The following RBFOX1 variants were observed in gnomAD, a reference collection of about 807,000 sequenced individuals.
The protein encoded by RBFOX1 is RNA binding fox-1 homolog 1, also known as RNA binding protein fox-1 homolog 1.
In RBFOX1, 8 loss-of-function variants were observed where a neutral mutation model predicts 57.7. The ratio of observed to expected loss-of-function variants is 0.14; its 90% CI spans 0.08 to 0.25. RBFOX1 has a LOEUF of 0.25. RBFOX1 is among the 10% of genes least tolerant of loss of function. The pLI, the probability that RBFOX1 is intolerant of heterozygous loss-of-function variation, is 1.00. For missense variants in RBFOX1, 611 were observed against 548.5 expected (o/e 1.11, Z -1.14); for synonymous variants, 326 against 222.4 (o/e 1.47, Z -4.15).
intron 3 of RBFOX1, among the ~76,000 whole-genome samples, chr16:6,834,818 A>T (rs562607585): frequency 1.3e-5 from 2 of 151,202 alleles, no homozygotes; most frequent in Non-Finnish European, 1.5e-5. Flanking sequence ...TTTCTCCCCA[A>T]TGTGTTTGTG....
intron 4 of RBFOX1, among the ~76,000 whole-genome samples, chr16:7,489,750 G>A (rs1357811972): frequency 1.3e-5 from 2 of 151,294 alleles, no homozygotes; most frequent in African/African-American, 4.9e-5. Flanking sequence ...TCAACTCCTG[G>A]CCTCAAGTGA....
chr16:6,658,928 G>GTTTTTTTTTTTTTTT (rs981949678), intron 3 of RBFOX1, among the ~76,000 whole-genome samples: 1 of 87,564 alleles, frequency 1.1e-5, no homozygotes, highest in Non-Finnish European at 2.5e-5. Context: ...TTGTTTTTTG[G>GTTTTTTTTTTTTTTT]TTTTTTTGTT....
At chr16:5,273,213 G>A (rs1425637246) in intron 1 of RBFOX1, among the ~76,000 whole-genome samples, 2 of 151,482 alleles carry the variant, frequency 1.3e-5, no homozygotes, top group Admixed American at 6.6e-5. Context: ...TCAAAGCCAC[G>A]ATTGCTTTCA....
chr16:6,958,348 A>G (rs981053693), intron 3 of RBFOX1, among the ~76,000 whole-genome samples: 1 of 152,188 alleles, frequency 6.6e-6, no homozygotes, highest in Non-Finnish European at 1.5e-5. Context: ...ATCCTCAAGT[A>G]GCATTTTTAT....
At chr16:6,350,286 A>G (rs1177613165) in intron 2 of RBFOX1, among the ~76,000 whole-genome samples, 1 of 151,662 alleles carries the variant, frequency 6.6e-6, no homozygotes, top group African/African-American at 2.4e-5. Context: ...AAAATACAAA[A>G]TTAGCCGGGT....
At chr16:5,440,574 G>A (rs1012752965) in intron 1 of RBFOX1, among the ~76,000 whole-genome samples, 22 of 152,128 alleles carry the variant, frequency 1.4e-4, no homozygotes, top group Non-Finnish European at 1.8e-4. Context: ...ACTCTCCATG[G>A]CTCTAGGTAA....
chr16:5,614,517 A>C (rs911598068), intron 3 of RBFOX1, among the ~76,000 whole-genome samples: 3 of 152,210 alleles, frequency 2.0e-5, no homozygotes, highest in Non-Finnish European at 2.9e-5. Context: ...ACTTTTGTCT[A>C]TCAGGCTCCT....
chr16:5,344,962 C>A (rs969666489), intron 1 of RBFOX1, among the ~76,000 whole-genome samples: 1 of 152,166 alleles, frequency 6.6e-6, no homozygotes, highest in Non-Finnish European at 1.5e-5. Context: ...TTCTTCTTTC[C>A]CGCAGTGTCT....
intron 1 of RBFOX1, among the ~76,000 whole-genome samples, chr16:6,253,853 T>C (rs755232276): frequency 2.0e-5 from 3 of 152,150 alleles, no homozygotes; most frequent in African/African-American, 4.8e-5. Flanking sequence ...ACTCCTTGCT[T>C]GCATTGGTAT....
chr16:6,039,009 C>CAAAAAAAA (rs754708262), intron 1 of RBFOX1: 1 of 47,764 alleles, frequency 2.1e-5, no homozygotes, highest in Non-Finnish European at 4.0e-5. Context: ...TGCTGGTTTG[C>CAAAAAAAA]AAAAAAAAAA....
intron 1 of RBFOX1, among the ~76,000 whole-genome samples, chr16:5,450,045 G>T (rs918887809): frequency 1.3e-5 from 2 of 152,196 alleles, no homozygotes; most frequent in African/African-American, 2.4e-5. Flanking sequence ...TGGGGTAAGT[G>T]CCCTGCATGC....
rs550764519 is a variant in RBFOX1, at chr16:7,466,531, C to T, written c.28-51616C>T. ...AGATGTGAAGTTTGCTTCAACTCCA[C>T]GATGTCCTGCCTTCATCTGAGCCTC... On this transcript the variant is annotated intron_variant, in intron 4 of 15. Transcript: ENST00000550418. Among the ~76,000 whole-genome samples the T allele has an allele frequency of 5.3e-5, 8 of 152,240 alleles. No individual in the cohort carries two copies. In the East Asian group the frequency reaches 9.7e-4, roughly 18 times the overall value.
At chr16:5,666,078 G>A (rs746463697) in intron 3 of RBFOX1, among the ~76,000 whole-genome samples, 8 of 152,236 alleles carry the variant, frequency 5.3e-5, no homozygotes, top group Non-Finnish European at 1.0e-4. Flanking sequence ...GTGTCTAATG[G>A]CAGAGAGCAA....
At chr16:7,287,153 A>G (rs1370966068) in intron 4 of RBFOX1, among the ~76,000 whole-genome samples, 2 of 152,202 alleles carry the variant, frequency 1.3e-5, no homozygotes, top group East Asian at 1.9e-4. Flanking sequence ...CTTAATAGAG[A>G]GAGAAGATTA....
intron 4 of RBFOX1, among the ~76,000 whole-genome samples, chr16:5,959,250 C>T (rs1361031580): frequency 6.6e-6 from 1 of 152,200 alleles, no homozygotes; most frequent in Non-Finnish European, 1.5e-5. Context: ...TCTTGCATAG[C>T]CACCTCTTGC....
chr16:6,950,450 G>A (rs1171826467), intron 3 of RBFOX1, among the ~76,000 whole-genome samples: 1 of 152,144 alleles, frequency 6.6e-6, no homozygotes, highest in East Asian at 1.9e-4. Flanking sequence ...TGGTATCCTA[G>A]TGCCTGGCAC....
chr16:7,568,498 C>T (rs962404187), intron 5 of RBFOX1, among the ~76,000 whole-genome samples: 2 of 152,006 alleles, frequency 1.3e-5, no homozygotes, highest in African/African-American at 2.4e-5. Context: ...ATCTTGGTTT[C>T]GGTGGGATTT....
intron 3 of RBFOX1, among the ~76,000 whole-genome samples, chr16:6,749,255 G>C (rs1331085543): frequency 2.0e-5 from 3 of 152,060 alleles, no homozygotes; most frequent in African/African-American, 7.2e-5. Context: ...TCTGAGCCTG[G>C]GTTCCTCATT....
chr16:7,011,552 C>T (rs138039061), intron 3 of RBFOX1, among the ~76,000 whole-genome samples: 72 of 152,214 alleles, frequency 4.7e-4, no homozygotes, highest in African/African-American at 1.5e-3. Context: ...CTTGCTTTGT[C>T]GCACAGGCTG....
Sources: gnomAD v4.1 joint callset for allele counts (sites outside exome capture counted in the v4.1 genomes callset) on GRCh38, gnomAD v4.1.1 for gene constraint, MANE v1.5 for transcripts, NCBI Gene and HGNC (gene_info 2026-07-23, HGNC 2026-07-21) for gene names.